The following ACVR1 variants were observed in gnomAD, a reference collection of about 807,000 sequenced individuals.
ACVR1 encodes activin A receptor type 1, also known as activin receptor type-1.
A neutral mutation model predicts 57.1 loss-of-function variants in ACVR1; 38 were observed. The ratio of observed to expected loss-of-function variants is 0.67; its 90% confidence interval spans 0.51 to 0.87. ACVR1 has a LOEUF of 0.87. Among genes scored for constraint, ACVR1 ranks in the 40% least tolerant of loss-of-function variants. The probability of loss-of-function intolerance (pLI) is 0.00; values close to 1 mark genes in which losing one functional copy is unlikely to be tolerated. For synonymous variants in ACVR1, 212 were observed against 228.1 expected (o/e 0.93, Z 0.63); for missense variants, 463 against 638.2 (o/e 0.73, Z 2.96).
At chr2:157,749,895 G>C (rs1011843118) in intron 9 of ACVR1, among the ~76,000 whole-genome samples, 1 of 152,218 alleles carries the variant, frequency 6.6e-6, no homozygotes, top group African/African-American at 2.4e-5. Context: ...GGAGGCCTGA[G>C]GACAGGTTCA....
intron 8 of ACVR1, among the ~76,000 whole-genome samples, chr2:157,762,601 T>A (rs1201797963): frequency 1.3e-5 from 2 of 152,212 alleles, no homozygotes; most frequent in Non-Finnish European, 2.9e-5. Flanking sequence ...TGTGGACATA[T>A]TTTAAAGCCA....
intron 9 of ACVR1, among the ~76,000 whole-genome samples, chr2:157,754,074 C>T (rs1263369312): frequency 2.0e-5 from 3 of 152,142 alleles, no homozygotes; most frequent in African/African-American, 7.2e-5. Flanking sequence ...ATAATAGTGA[C>T]ACAACCTAAC....
chr2:157,838,392 T>G (rs1224699610), intron 1 of ACVR1: 4 of 152,234 alleles, frequency 2.6e-5, no homozygotes, highest in African/African-American at 9.6e-5. Flanking sequence ...TTGGTACTGT[T>G]TTCCTAGAAG....
chr2:157,771,509 A>G (rs759072614), intron 6 of ACVR1, among the ~76,000 whole-genome samples: 2 of 152,186 alleles, frequency 1.3e-5, no homozygotes, highest in African/African-American at 2.4e-5. Context: ...AGCCTAGATA[A>G]CAAGGCAAGA....
intron 9 of ACVR1, 143 bp from the exon 10 acceptor site, chr2:157,738,713 T>C: frequency 8.1e-7 from 1 of 1,229,538 alleles, no homozygotes; most frequent in Non-Finnish European, 1.2e-6. Context: ...TCCTGGAAGC[T>C]AGAGGTAGGT....
intron 1 of ACVR1, among the ~76,000 whole-genome samples, chr2:157,843,396 C>T (rs1689034848): frequency 6.6e-6 from 1 of 152,154 alleles, no homozygotes; most frequent in East Asian, 1.9e-4. Context: ...GTTTTTTGAA[C>T]ACTTCCAAGG....
intron 1 of ACVR1, among the ~76,000 whole-genome samples, chr2:157,823,820 C>T (rs1688237829): frequency 6.6e-6 from 1 of 152,150 alleles, no homozygotes; most frequent in South Asian, 2.1e-4. Context: ...GATTCATTTA[C>T]TCCTGCCAGA....
At chr2:157,822,651 A>G (rs1354494221) in intron 1 of ACVR1, among the ~76,000 whole-genome samples, 1 of 152,236 alleles carries the variant, frequency 6.6e-6, no homozygotes, top group African/African-American at 2.4e-5. Flanking sequence ...AGTGAACATT[A>G]TTGGATGTTA....
At chr2:157,755,047 T>C (rs184768455) in intron 9 of ACVR1, among the ~76,000 whole-genome samples, 91 of 152,228 alleles carry the variant, frequency 6.0e-4, no homozygotes, top group African/African-American at 2.1e-3. Flanking sequence ...AAGCATTTGA[T>C]AAAATCCAGC....
chr2:157,744,768 G>A lies in ACVR1; in HGVS notation c.1265-6198C>T, dbSNP rs79588740. 1.7e-3 allele frequency among the ~76,000 whole-genome samples: 257 copies of A among 152,290 alleles called. 1 individual carries two copies. Among genetic ancestry groups the A allele is most frequent in the African/African-American group, 5.8e-3 (242 of 41,552 alleles). ...GGCTTCGAGATATTTCTCATGCCAC[G>A]GCACAGATAAAACATGACTAATGAA... On this transcript the variant is annotated intron_variant, in intron 9 of 10. Transcript: ENST00000434821.
intron 2 of ACVR1, among the ~76,000 whole-genome samples, chr2:157,808,178 A>C (rs1484298223): frequency 1.3e-5 from 2 of 152,160 alleles, no homozygotes; most frequent in African/African-American, 4.8e-5. Flanking sequence ...AAAATAAATA[A>C]ATTTTTTATT....
At chr2:157,766,861 T>C (rs1452268359) in intron 7 of ACVR1, among the ~76,000 whole-genome samples, 1 of 152,192 alleles carries the variant, frequency 6.6e-6, no homozygotes, top group Non-Finnish European at 1.5e-5. Context: ...ATACGAAAAG[T>C]ACTATAATAT....
At chr2:157,757,045 A>ATATATATATATATATATATAT (rs1559039330) in intron 9 of ACVR1, among the ~76,000 whole-genome samples, 4 of 98,180 alleles carry the variant, frequency 4.1e-5, no homozygotes, top group African/African-American at 1.7e-4. Context: ...TATATATATA[A>ATATATATATATATATATATAT]AATAGAATAC....
intron 8 of ACVR1, among the ~76,000 whole-genome samples, chr2:157,762,251 G>A (rs1331846356): frequency 6.6e-6 from 1 of 152,182 alleles, no homozygotes; most frequent in Non-Finnish European, 1.5e-5. Context: ...TAAGTATTTT[G>A]AGAGAGATAC....
At chr2:157,828,095 G>C (rs909359120) in intron 1 of ACVR1, among the ~76,000 whole-genome samples, 23 of 152,094 alleles carry the variant, frequency 1.5e-4, no homozygotes, top group African/African-American at 5.3e-4. Context: ...AGCCGAGGTA[G>C]GCGGATTGCT....
intron 9 of ACVR1, among the ~76,000 whole-genome samples, chr2:157,748,839 C>T (rs747035476): frequency 3.3e-5 from 5 of 152,178 alleles, no homozygotes; most frequent in Non-Finnish European, 5.9e-5. Context: ...CACAGAAAGT[C>T]CTCATCTCTG....
In ACVR1 at chr2:157,766,207, CA is replaced by C. The variant is rs775650931; in HGVS notation, c.791-12del. 20 of 1,613,224 alleles carry C rather than the reference CA, an allele frequency of 1.2e-5. No individual in the cohort carries two copies. Among genetic ancestry groups the C allele is most frequent in the Non-Finnish European group, 1.7e-5 (20 of 1,179,688 alleles). On this transcript the variant is annotated splice_polypyrimidine_tract_variant and intron_variant, in intron 7 of 10. Coordinates refer to ENST00000434821, the MANE Select transcript of ACVR1 (RefSeq NM_001111067.4). ...CTGAAGCAATGAAACCTGGAGAGAG[CA>C]AGAAAAAAATTAATATACATGAGGA...
chr2:157,869,715 G>A (rs184479758), intron 1 of ACVR1, among the ~76,000 whole-genome samples: 1 of 152,156 alleles, frequency 6.6e-6, no homozygotes, highest in Non-Finnish European at 1.5e-5. Context: ...TTTTTTACTA[G>A]GCCATCCTCA....
chr2:157,828,009 G>A (rs369002390), intron 1 of ACVR1, among the ~76,000 whole-genome samples: 63 of 152,172 alleles, frequency 4.1e-4, no homozygotes, highest in African/African-American at 1.5e-3. Flanking sequence ...CTAACAGCAA[G>A]GGGTATTCTT....
Sources: allele counts gnomAD v4.1 joint callset (sites outside exome capture counted in the v4.1 genomes callset), GRCh38; gene constraint gnomAD v4.1.1; transcripts MANE v1.5; gene names NCBI Gene and HGNC (gene_info 2026-07-23, HGNC 2026-07-21).